The following MYO1H variants were observed in gnomAD, a reference collection of about 807,000 sequenced individuals.
MYO1H encodes unconventional myosin-Ih.
Under a neutral mutation model 149.3 loss-of-function variants are expected in MYO1H, and 118 were observed. The observed-to-expected ratio is 0.79, with a 90% CI of 0.68 to 0.92. MYO1H has a LOEUF of 0.92. Among genes scored for constraint, MYO1H ranks in the 40% least tolerant of loss-of-function variants. The pLI, the probability that MYO1H is intolerant of heterozygous loss-of-function variation, is 0.00. For missense variants in MYO1H, 1,212 were observed against 1,280.7 expected (o/e 0.95, Z 0.82); for synonymous variants, 447 against 465.2 (o/e 0.96, Z 0.50).
the MYO1H span, among the ~76,000 whole-genome samples, chr12:109,336,432 C>T: frequency 2.6e-5 from 4 of 152,140 alleles, no homozygotes; most frequent in Admixed American, 2.6e-4. Flanking sequence ...TATTAGACTG[C>T]ACTTCTGAAA....
intron 1 of MYO1H, among the ~76,000 whole-genome samples, chr12:109,370,439 C>T (rs1183375940): frequency 6.6e-6 from 1 of 152,224 alleles, no homozygotes; most frequent in Non-Finnish European, 1.5e-5. Flanking sequence ...AAATTCTGAT[C>T]CCTTCCACAG....
chr12:109,389,859 A>G (rs919577013), intron 2 of MYO1H, among the ~76,000 whole-genome samples: 1 of 152,204 alleles, frequency 6.6e-6, no homozygotes, highest in Non-Finnish European at 1.5e-5. Flanking sequence ...GACTTAATCT[A>G]TATGTTGAAA....
At chr12:109,343,619 C>T (rs113924072), upstream of MYO1H, among the ~76,000 whole-genome samples, 485 of 152,218 alleles carry the variant, frequency 3.2e-3, 3 homozygotes, top group African/African-American at 0.011. Context: ...CAGAATCGAA[C>T]GATCACAATG....
At chr12:109,321,153 CTT>C in the MYO1H span, among the ~76,000 whole-genome samples, 2 of 152,256 alleles carry the variant, frequency 1.3e-5, no homozygotes, top group South Asian at 2.1e-4. Context: ...AAATTAAAGA[CTT>C]ATGTTCAACT....
chr12:109,344,002 G>T (rs890783313), upstream of MYO1H, among the ~76,000 whole-genome samples: 7 of 152,154 alleles, frequency 4.6e-5, no homozygotes, highest in African/African-American at 1.2e-4. Context: ...TCTCTTGGCT[G>T]TGACAGTTTC....
At chr12:109,342,674 T>G in the MYO1H span, among the ~76,000 whole-genome samples, 1 of 151,020 alleles carries the variant, frequency 6.6e-6, no homozygotes, top group Non-Finnish European at 1.5e-5. Context: ...TTCCAAGTAT[T>G]TGGGACCACA....
At position 109,447,425 on chromosome 12, in the gene MYO1H, G is replaced by A. The variant is rs529037247; in HGVS notation, c.*243G>A. 11 of 592,026 alleles carry A rather than the reference G, an allele frequency of 1.9e-5. 1 individual carries two copies. Among genetic ancestry groups the A allele is most frequent in the Admixed American group, 2.9e-5 (1 of 34,388 alleles). The allele number at this position is 592,026 out of a possible 1,614,324, so 36.7% of individuals were successfully genotyped here. On this transcript the variant is annotated 3_prime_UTR_variant, in exon 32 of 32. Coordinates refer to ENST00000310903, the Ensembl canonical transcript of MYO1H. ...AGCAGACCCCAGGTCACCCGAAGGC[G>A]CAATTCTAAACACCCTCGACAGGAT...
rs1446695580 is a variant in MYO1H, at chr12:109,439,657, A to G, written c.2321A>G (p.Asn774Ser). 2.5e-6 allele frequency: 4 copies of G among 1,613,508 alleles called. No individual in the cohort carries two copies. In the African/African-American group the frequency reaches 5.3e-5, roughly 22 times the overall value. Residue 774 changes from asparagine (N) to serine (S), a missense_variant, in exon 24 of 32, where the codon AAC becomes AGC. By Grantham distance (46) the Asn-to-Ser change is conservative. Coordinates refer to ENST00000310903, the Ensembl canonical transcript of MYO1H. ...TTCATTAAAGGATTCATCAGTCGCA[A>G]CAAACCCCTCTGTCCTGACAACGAG...
chr12:109,316,156 C>T, the MYO1H span, among the ~76,000 whole-genome samples: 1 of 63,828 alleles, frequency 1.6e-5, no homozygotes, highest in Non-Finnish European at 2.7e-5. Flanking sequence ...TTTTATGTCA[C>T]AGATTGATTT....
exon 28 of MYO1H, chr12:109,443,641 C>T (rs1410649335): frequency 2.5e-6 from 4 of 1,613,718 alleles, no homozygotes; most frequent in Non-Finnish European, 3.4e-6. Flanking sequence ...GAGTACTCAG[C>T]TCTCAAAGGT....
chr12:109,322,902 A>G, the MYO1H span, among the ~76,000 whole-genome samples: 1 of 150,562 alleles, frequency 6.6e-6, no homozygotes, highest in East Asian at 2.0e-4. Flanking sequence ...AGGTCAGGAG[A>G]TCGAGACCAT....
chr12:109,444,461 G>C (rs183857406), exon 30 of MYO1H: 1 of 1,613,842 alleles, frequency 6.2e-7, no homozygotes, highest in African/African-American at 1.3e-5. Flanking sequence ...GTGGACACGT[G>C]TTTGAAGCAG....
intron 15 of MYO1H, among the ~76,000 whole-genome samples, chr12:109,420,218 A>C (rs545475623): frequency 6.6e-6 from 1 of 152,350 alleles, no homozygotes; most frequent in South Asian, 2.1e-4. Context: ...TTTATACGAC[A>C]GCTCATCAGG....
At chr12:109,440,875 A>T in intron 25 of MYO1H, 48 bp downstream of exon 25, 1 of 1,358,446 alleles carries the variant, frequency 7.4e-7, no homozygotes, top group South Asian at 1.3e-5. Flanking sequence ...TGGGTGTAAG[A>T]GTGGGTCCTG....
intron 1 of MYO1H, among the ~76,000 whole-genome samples, chr12:109,386,995 CGTGTGT>C (rs55675476): frequency 0.02 from 2,767 of 141,106 alleles, 52 homozygotes; most frequent in African/African-American, 0.055. Flanking sequence ...ATCTCAAGTT[CGTGTGT>C]GTGTGTGTGT....
chr12:109,348,548 G>C (rs978542766), intron 1 of MYO1H, among the ~76,000 whole-genome samples: 1 of 152,098 alleles, frequency 6.6e-6, no homozygotes. Flanking sequence ...TTTTAAATGC[G>C]ATAAGCCCAA....
intron 28 of MYO1H, 108 bp downstream of exon 28, chr12:109,443,757 C>G: frequency 7.7e-7 from 1 of 1,291,836 alleles, no homozygotes; most frequent in African/African-American, 1.5e-5. Context: ...TGCCCATAAA[C>G]CCCGGGGTAG....
chr12:109,445,354 G>A (rs1872434738), intron 30 of MYO1H, 159 bp from the exon 31 acceptor site: 3 of 600,484 alleles, frequency 5.0e-6, no homozygotes, highest in African/African-American at 3.8e-5. Context: ...TGTGGCAACA[G>A]CATTCTTCCT....
chr12:109,382,214 T>G (rs1286119800), intron 1 of MYO1H, among the ~76,000 whole-genome samples: 1 of 152,222 alleles, frequency 6.6e-6, no homozygotes, highest in Non-Finnish European at 1.5e-5. Flanking sequence ...TCTTTTTTTT[T>G]GCCAAAACCA....
Sources: gnomAD v4.1 joint callset for allele counts (sites outside exome capture counted in the v4.1 genomes callset) on GRCh38, gnomAD v4.1.1 for gene constraint, MANE v1.5 for transcripts, NCBI Gene and HGNC (gene_info 2026-07-23, HGNC 2026-07-21) for gene names.